ADGRG4: variants seen among roughly 807,000 people sequenced by gnomAD.
The protein encoded by ADGRG4 is G protein-coupled receptor 112.
Under a neutral mutation model 126.2 loss-of-function variants are expected in ADGRG4, and 122 were observed. That is an observed-to-expected ratio of 0.97 (90% CI 0.83 to 1.12). The LOEUF (loss-of-function observed/expected upper bound fraction) is 1.12. Among genes scored for constraint, ADGRG4 ranks in the 50% most tolerant of loss-of-function variants. The probability of loss-of-function intolerance (pLI) is 0.00; values close to 1 mark genes in which losing one functional copy is unlikely to be tolerated. For synonymous variants in ADGRG4, 943 were observed against 838.7 expected (o/e 1.12, Z -2.15); for missense variants, 2,481 against 2,251.8 (o/e 1.10, Z -2.06).
rs750086198 is a variant in ADGRG4 at position 136,345,639 on chromosome X, G to A, written c.1933G>A (p.Ala645Thr). 8.3e-7 allele frequency: 1 copy of A among 1,210,614 alleles called. No homozygotes were observed. The highest frequency in any genetic ancestry group is 1.1e-6 in the Non-Finnish European group (1 of 894,759). ...AGGTCCCACATCCACAACTGATGAA[G>A]CTGCCCATCTGTTCTCCAGCAATGA... ...ESGPTSTTDE[A>T]AHLFSSNETI... The change falls in exon 6 of 26, where the codon GCT (alanine) becomes ACT (threonine). Residue 645 changes from alanine to threonine, a missense_variant. Physicochemically the swap from Ala to Thr is moderately conservative, Grantham distance 58. Transcript: ENST00000394143.
chrX:136,307,335 T>C (rs2074740411), intron 3 of ADGRG4, among the ~76,000 whole-genome samples: 1 of 112,304 alleles, frequency 8.9e-6, no homozygotes, highest in East Asian at 2.8e-4. Context: ...CCCAGGGAAA[T>C]TAAGGAACAA....
At chrX:136,399,379 T>C (rs1475219125) in intron 20 of ADGRG4, among the ~76,000 whole-genome samples, 1 of 111,699 alleles carries the variant, frequency 9.0e-6, no homozygotes, top group Admixed American at 9.5e-5. Flanking sequence ...TTTTGAAAAA[T>C]ACTGGGTGAG....
chrX:136,331,145 C>T (rs766000504), intron 5 of ADGRG4, among the ~76,000 whole-genome samples: 18 of 111,810 alleles, frequency 1.6e-4, no homozygotes, highest in African/African-American at 5.5e-4. Context: ...AATGACTCCC[C>T]GTTCCATCCA....
intron 15 of ADGRG4, among the ~76,000 whole-genome samples, chrX:136,374,812 A>G (rs978323248): frequency 9.0e-6 from 1 of 111,690 alleles, no homozygotes; most frequent in Non-Finnish European, 1.9e-5. Flanking sequence ...TTTCATGTTC[A>G]TATTTGTTAT....
intron 15 of ADGRG4, among the ~76,000 whole-genome samples, chrX:136,381,807 G>A (rs1181533089): frequency 1.8e-5 from 2 of 111,261 alleles, no homozygotes; most frequent in Non-Finnish European, 3.8e-5. Context: ...GAGCCAGTCC[G>A]AGTCTCAAAA....
intron 15 of ADGRG4, among the ~76,000 whole-genome samples, chrX:136,373,349 T>C (rs2148482324): frequency 8.9e-6 from 1 of 111,888 alleles, no homozygotes; most frequent in East Asian, 2.8e-4. Flanking sequence ...CATTATATGT[T>C]GGACATTGTG....
At chrX:136,365,132 G>A (rs2075150925) in intron 13 of ADGRG4, among the ~76,000 whole-genome samples, 1 of 111,928 alleles carries the variant, frequency 8.9e-6, no homozygotes, top group South Asian at 3.7e-4. Flanking sequence ...TTTTAATGGA[G>A]ATATTTACAT....
Position 136,357,773 on chromosome X carries a change from G to T in ADGRG4, c.6980+17G>T. ...ACCATACAGGTAGGAAGTAGGAACT[G>T]AGTTTATTAATAGCTGGCACATTTA... On this transcript the variant is annotated intron_variant, in intron 10 of 25. Transcript: ENST00000394143. The T allele has an allele frequency of 9.3e-7, 1 of 1,070,950 alleles. No individual in the cohort carries two copies. Among genetic ancestry groups the T allele is most frequent in the South Asian group, 2.0e-5 (1 of 50,806 alleles). 88.3% of individuals were successfully genotyped at this position (1,070,950 alleles called of 1,213,427 possible).
At chrX:136,368,650 A>G (rs1603297483) in intron 13 of ADGRG4, among the ~76,000 whole-genome samples, 1 of 112,255 alleles carries the variant, frequency 8.9e-6, no homozygotes. Context: ...ATGGCTGAAT[A>G]CAAATTACAA....
chrX:136,315,859 G>A (rs1053921010), intron 4 of ADGRG4, among the ~76,000 whole-genome samples: 1 of 111,591 alleles, frequency 9.0e-6, no homozygotes. Context: ...GGCAGATATC[G>A]GGGTCATGTG....
rs1002630332 is a variant in ADGRG4 at position 136,349,724 on chromosome X, T to C, written c.6018T>C (p.Ile2006=). 6 of 1,210,624 alleles carry C rather than the reference T, an allele frequency of 5.0e-6. No homozygotes were observed. Among genetic ancestry groups the C allele is most frequent in the Non-Finnish European group, 6.7e-6 (6 of 894,747 alleles). ...TSGSVISKSP[I]LTWLLSSLPS... ...GATCTGTAATTTCAAAGTCACCCAT[T>C]CTGACATGGCTCTTATCTAGTCTCC... Residue 2006 remains isoleucine, a synonymous_variant, in exon 6 of 26, where the codon ATT becomes ATC. Transcript: ENST00000394143.
intron 4 of ADGRG4, among the ~76,000 whole-genome samples, chrX:136,310,575 A>C (rs1348460886): frequency 9.0e-6 from 1 of 111,516 alleles, no homozygotes; most frequent in Non-Finnish European, 1.9e-5. Flanking sequence ...CAGGCTCCAG[A>C]TGAGTCACCA....
chrX:136,303,005 G>A, intron 1 of ADGRG4, among the ~76,000 whole-genome samples: 1 of 111,423 alleles, frequency 9.0e-6, no homozygotes, highest in Non-Finnish European at 1.9e-5. Context: ...CTCTCTTGTG[G>A]TATGGCCCCT....
Position 136,346,800 on chromosome X carries a change from A to C in ADGRG4, c.3094A>C (p.Thr1032Pro). Residue 1032 changes from threonine to proline, a missense_variant, in exon 6 of 26, where the codon ACC becomes CCC. Transcript: ENST00000394143. ...TGTGGTGGCTGAGGAGACTGAGGTT[A>C]CCATGTCTGAGCCTTCTACACTGGC... ...SSVVAEETEV[T>P]MSEPSTLARA... 1 of 1,211,344 alleles carries C rather than the reference A, an allele frequency of 8.3e-7. No homozygotes were observed. Among genetic ancestry groups the C allele is most frequent in the Non-Finnish European group, 1.1e-6 (1 of 895,180 alleles).
intron 24 of ADGRG4, among the ~76,000 whole-genome samples, chrX:136,413,640 A>G (rs2075459062): frequency 8.9e-6 from 1 of 111,944 alleles, no homozygotes; most frequent in Non-Finnish European, 1.9e-5. Context: ...CACACATTAC[A>G]GTACAAACCT....
At chrX:136,373,112 C>T (rs1001707400) in intron 15 of ADGRG4, 48 bp downstream of exon 15, 2 of 1,088,914 alleles carry the variant, frequency 1.8e-6, no homozygotes, top group Middle Eastern at 5.2e-4. Flanking sequence ...AGCACTGTTT[C>T]AGGTCTTCAT....
chrX:136,301,173 C>T (rs1165665508), intron 1 of ADGRG4, among the ~76,000 whole-genome samples, 173 bp downstream of exon 1: 2 of 112,174 alleles, frequency 1.8e-5, no homozygotes, highest in East Asian at 5.6e-4. Context: ...CTGTCTTCCA[C>T]AATGGTTTAA....
At chrX:136,370,218 T>C (rs929024807) in intron 13 of ADGRG4, among the ~76,000 whole-genome samples, 1 of 112,181 alleles carries the variant, frequency 8.9e-6, no homozygotes, top group Non-Finnish European at 1.9e-5. Context: ...CTGGGTTAAG[T>C]GTGTTATGAG....
At chrX:136,406,072 G>A in intron 23 of ADGRG4, 100 bp downstream of exon 23, 1 of 886,422 alleles carries the variant, frequency 1.1e-6, no homozygotes, top group Non-Finnish European at 1.5e-6. Flanking sequence ...TTAACTAGAT[G>A]TTAGTCTTCA....
Sources: gnomAD v4.1 joint callset for allele counts (sites outside exome capture counted in the v4.1 genomes callset) on GRCh38, gnomAD v4.1.1 for gene constraint, MANE v1.5 for transcripts, NCBI Gene and HGNC (gene_info 2026-07-23, HGNC 2026-07-21) for gene names.